Variants in PLPPR3 observed in about 807,000 individuals in gnomAD.
The protein encoded by PLPPR3 is phospholipid phosphatase related 3.
Under a neutral mutation model 27.3 loss-of-function variants are expected in PLPPR3, and 14 were observed. The ratio of observed to expected loss-of-function variants is 0.51; its 90% CI spans 0.34 to 0.80. The LOEUF is 0.80. PLPPR3 is among the 30% of genes least tolerant of loss of function. The pLI is 0.01. For missense variants in PLPPR3, 1,287 were observed against 1,056.9 expected (o/e 1.22, Z -3.02); for synonymous variants, 671 against 508.0 (o/e 1.32, Z -4.32).
At chr19:818,469 G>A (rs112322383) in intron 2 of PLPPR3, among the ~76,000 whole-genome samples, 13,695 of 152,010 alleles carry the variant, frequency 0.09, 905 homozygotes, top group African/African-American at 0.19. Context: ...GGGAGGCTGA[G>A]GCAGGAAGAT....
chr19:815,154 A>G (rs2145068901), intron 4 of PLPPR3, 32 bp downstream of exon 4: 2 of 1,601,896 alleles, frequency 1.2e-6, no homozygotes, highest in Non-Finnish European at 1.7e-6. Flanking sequence ...ATGTGGAGGT[A>G]GCTCAGGGTC....
intron 1 of PLPPR3, 138 bp downstream of exon 1, chr19:821,777 G>A: frequency 2.6e-6 from 1 of 377,372 alleles, no homozygotes; most frequent in East Asian, 4.1e-5. Flanking sequence ...GGGGGGTCGG[G>A]GCCGGGATCG....
At chr19:818,419 G>A (rs550330087) in intron 2 of PLPPR3, among the ~76,000 whole-genome samples, 4 of 151,936 alleles carry the variant, frequency 2.6e-5, no homozygotes, top group African/African-American at 9.7e-5. Flanking sequence ...ATAATAATAA[G>A]GCCGACCGCA....
At position 814,596 on chromosome 19, in the gene PLPPR3, G is replaced by A. The variant is rs1187251583; in HGVS notation, c.669C>T (p.Asn223=). ...GCTTGGTGGTGTCCGAGATGACCGA[G>A]TTGAAGTACATCTGGGGCATGGGGG... ...FAAVYVSMYF[N]SVISDTTKLL... is the part of the protein sequence containing the mutation. The change falls in exon 7 of 8, where the codon AAC becomes AAT. Residue 223 remains asparagine (N), a synonymous_variant. Coordinates refer to ENST00000520876, the MANE Select transcript of PLPPR3 (RefSeq NM_001270366.2). The A allele has an allele frequency of 4.3e-6, 7 of 1,612,082 alleles. No homozygotes were observed. The highest frequency in any genetic ancestry group is 2.7e-5 in the African/African-American group (2 of 75,062).
upstream of PLPPR3, among the ~76,000 whole-genome samples, chr19:822,336 C>G (rs1215891751): frequency 6.8e-6 from 1 of 146,316 alleles, no homozygotes. Context: ...TGACTGTCTC[C>G]GTGTCTCTCA....
In PLPPR3 at chr19:812,549, C is replaced by T. The variant is rs1212281744; in HGVS notation, c.*21G>A. The T allele has an allele frequency of 3.0e-6, 3 of 984,072 alleles. No homozygotes were observed. The highest frequency in any genetic ancestry group is 3.6e-6 in the Non-Finnish European group (3 of 826,224). The allele number at this position is 984,072 out of a possible 1,614,324, so 61.0% of individuals were successfully genotyped here. A position where few individuals can be genotyped will look rare whatever the true frequency, so the allele number is the denominator to read the frequency against. On this transcript the variant is annotated 3_prime_UTR_variant, in exon 8 of 8. Coordinates refer to ENST00000520876, the MANE Select transcript of PLPPR3 (RefSeq NM_001270366.2). ...GCCCGCGCCCTCGGCCCGCCCCCCG[C>T]CCGCCCCCGGCCCCGCCGCGCTAGT...
At chr19:819,521 C>T (rs969913952) in intron 2 of PLPPR3, among the ~76,000 whole-genome samples, 1 of 151,806 alleles carries the variant, frequency 6.6e-6, no homozygotes, top group Non-Finnish European at 1.5e-5. Context: ...AACTCCTGAC[C>T]TTAGGTGATC....
In PLPPR3 at chr19:815,031, G is replaced by T; in HGVS notation, c.454C>A (p.Gln152Lys). Residue 152 changes from glutamine (Q) to lysine (K), a missense_variant, in exon 5 of 8, where the codon CAG becomes AAG. Physicochemically the swap from Gln to Lys is moderately conservative, Grantham distance 53. Transcript: ENST00000520876. Reference protein sequence around the residue: ...CATALVTDVIQLATGYHTPFF... With the variant: ...CATALVTDVIKLATGYHTPFF... ...GGAGTGTGGTAACCCGTGGCCAGCT[G>T]GATCACGTCCGTCACCAGGGCTGTG... is the stretch of plus-strand genomic sequence containing the variant. The T allele has an allele frequency of 1.2e-6, 2 of 1,610,222 alleles. No homozygotes were observed.
upstream of PLPPR3, among the ~76,000 whole-genome samples, chr19:823,455 AAAAC>A (rs1434499163): frequency 2.3e-5 from 3 of 131,986 alleles, no homozygotes; most frequent in South Asian, 5.3e-4. Context: ...AAAAAAAAAA[AAAAC>A]AAACAAACAG....
intron 2 of PLPPR3, among the ~76,000 whole-genome samples, chr19:820,883 C>A (rs2035133340): frequency 6.6e-6 from 1 of 151,584 alleles, no homozygotes; most frequent in East Asian, 2.0e-4. Flanking sequence ...GTCTTGAACT[C>A]CTGACCTAGG....
chr19:815,054 G>A lies in PLPPR3; in HGVS notation c.431C>T (p.Thr144Ile), dbSNP rs1172034055. ...VGVHVFGLCATALVTDVIQLA... is the reference protein window; with the variant it reads ...VGVHVFGLCAIALVTDVIQLA... ...CTGGATCACGTCCGTCACCAGGGCT[G>A]TGGCACACAGGCCGAACACGTGGAC... Residue 144 changes from threonine (T) to isoleucine (I), a missense_variant, in exon 5 of 8, where the codon ACA becomes ATA. Coordinates refer to ENST00000520876, the MANE Select transcript of PLPPR3 (RefSeq NM_001270366.2). The A allele has an allele frequency of 6.2e-7, 1 of 1,607,634 alleles. No homozygotes were observed. The highest frequency in any genetic ancestry group is 1.3e-5 in the African/African-American group (1 of 75,044).
Position 821,565 on chromosome 19 carries a change from C to T in PLPPR3, c.-6G>A, listed in dbSNP as rs1426730707. ...TTCTCCTTGGTGGAGATCATGGTGCCGCGGGCGCCGCAGGCCGTGGCTGGA... is the reference window on the plus strand; with the variant it reads ...TTCTCCTTGGTGGAGATCATGGTGCTGCGGGCGCCGCAGGCCGTGGCTGGA... On this transcript the variant is annotated 5_prime_UTR_variant, in exon 2 of 8. Coordinates refer to ENST00000520876, the MANE Select transcript of PLPPR3 (RefSeq NM_001270366.2). The T allele has an allele frequency of 1.2e-5, 18 of 1,467,294 alleles. No homozygotes were observed. In the East Asian group the frequency reaches 1.8e-4, roughly 15 times the overall value. 90.9% of individuals were successfully genotyped at this position (1,467,294 alleles called of 1,614,324 possible).
chr19:821,566 G>C lies in PLPPR3; in HGVS notation c.-7C>G. On this transcript the variant is annotated 5_prime_UTR_variant, in exon 2 of 8. Transcript: ENST00000520876. ...TCTCCTTGGTGGAGATCATGGTGCC[G>C]CGGGCGCCGCAGGCCGTGGCTGGAG... The C allele has an allele frequency of 2.0e-6, 3 of 1,478,260 alleles. No homozygotes were observed. Among genetic ancestry groups the C allele is most frequent in the Non-Finnish European group, 2.7e-6 (3 of 1,106,976 alleles). 91.6% of individuals were successfully genotyped at this position (1,478,260 alleles called of 1,614,324 possible). A position where few individuals can be genotyped will look rare whatever the true frequency, so the allele number is the denominator to read the frequency against.
chr19:815,275 C>A lies in PLPPR3; in HGVS notation c.314G>T (p.Arg105Leu). 6.4e-7 allele frequency: 1 copy of A among 1,557,020 alleles called. No homozygotes were observed. The highest frequency in any genetic ancestry group is 8.7e-7 in the Non-Finnish European group (1 of 1,152,972). The change falls in exon 4 of 8, where the codon CGT becomes CTT. Residue 105 changes from arginine to leucine, a missense_variant. By Grantham distance (102) the Arg-to-Leu change is moderately radical. Coordinates refer to ENST00000520876, the MANE Select transcript of PLPPR3 (RefSeq NM_001270366.2). Reference protein sequence around the residue: ...LYCLQSRLWGRAGGPAGAEGS... With the variant: ...LYCLQSRLWGLAGGPAGAEGS... ...CTCCGCCCCGGCGGGCCCCCCGGCA[C>A]GGCCCCACAGCCGGGACTGCAGACA... is the stretch of plus-strand genomic sequence containing the variant.
rs764440833 is a variant in PLPPR3 at position 815,746 on chromosome 19, T to C, written c.181A>G (p.Met61Val). Reference sequence around the variant, plus strand: ...TCCTCGTTGGTCTCCACGTAGGGCATGGAGAGAGTGCGGTCATAGCACTGG... The same window carrying C: ...TCCTCGTTGGTCTCCACGTAGGGCACGGAGAGAGTGCGGTCATAGCACTGG... ...GFQCYDRTLS[M>V]PYVETNEELI... is the part of the protein sequence containing the mutation. Residue 61 changes from methionine to valine, a missense_variant, in exon 3 of 8, where the codon ATG becomes GTG. Coordinates refer to ENST00000520876, the MANE Select transcript of PLPPR3 (RefSeq NM_001270366.2). 1 of 1,612,480 alleles carries C rather than the reference T, an allele frequency of 6.2e-7. No individual in the cohort carries two copies. The highest frequency in any genetic ancestry group is 2.2e-5 in the East Asian group (1 of 44,878).
At chr19:814,819 T>C in intron 5 of PLPPR3, 67 bp downstream of exon 5, 1 of 1,572,422 alleles carries the variant, frequency 6.4e-7, no homozygotes, top group Non-Finnish European at 8.6e-7. Context: ...TCTGTGTCTC[T>C]GTTTCCCCGC....
chr19:813,772 T>G lies in PLPPR3; in HGVS notation c.955A>C (p.Lys319Gln). 3.9e-6 allele frequency: 6 copies of G among 1,528,318 alleles called. No individual in the cohort carries two copies. Among genetic ancestry groups the G allele is most frequent in the Non-Finnish European group, 4.4e-6 (5 of 1,143,432 alleles). 94.7% of individuals were successfully genotyped at this position (1,528,318 alleles called of 1,614,324 possible). ...RGHDSVYQQNKSVSTDELGPP... is the reference protein window; with the variant it reads ...RGHDSVYQQNQSVSTDELGPP... ...CCCAGCTCGTCGGTGCTCACCGACT[T>G]ATTCTGCTGATAAACCGAGTCGTGG... Residue 319 changes from lysine to glutamine, a missense_variant, in exon 8 of 8, where the codon AAG (lysine) becomes CAG (glutamine). Physicochemically the swap from Lys to Gln is moderately conservative, Grantham distance 53 (BLOSUM62 1). Coordinates refer to ENST00000520876, the MANE Select transcript of PLPPR3 (RefSeq NM_001270366.2). This position sits in a 1 kb window ranked among gnomAD's most constrained non-coding sequence, Gnocchi z 4.1.
At chr19:823,498 A>T (rs1196698032), upstream of PLPPR3, among the ~76,000 whole-genome samples, 2 of 151,796 alleles carry the variant, frequency 1.3e-5, no homozygotes, top group Non-Finnish European at 2.9e-5. Context: ...GCCCTGCTAG[A>T]TACCTTAGTT....
rs887542120 is a variant in PLPPR3, at chr19:812,516, G to C, written c.*54C>G. On this transcript the variant is annotated 3_prime_UTR_variant, in exon 8 of 8. Coordinates refer to ENST00000520876, the MANE Select transcript of PLPPR3 (RefSeq NM_001270366.2). The stretch of plus-strand genomic sequence containing the variant: ...GTTTCTGCCGCTTTATTGAGCATCC[G>C]CGCGGCCGCCCGCGCCCTCGGCCCG... 1.0e-6 allele frequency: 1 copy of C among 988,286 alleles called. No individual in the cohort carries two copies. The highest frequency in any genetic ancestry group is 1.2e-6 in the Non-Finnish European group (1 of 831,410). 61.2% of individuals were successfully genotyped at this position (988,286 alleles called of 1,614,324 possible). A position where few individuals can be genotyped will look rare whatever the true frequency, so the allele number is the denominator to read the frequency against.
Sources: allele counts gnomAD v4.1 joint callset (sites outside exome capture counted in the v4.1 genomes callset), GRCh38; gene constraint gnomAD v4.1.1; non-coding constraint Gnocchi (gnomAD v3.1); transcripts MANE v1.5; gene names NCBI Gene and HGNC (gene_info 2026-07-23, HGNC 2026-07-21).